The following KDM2A variants were observed in gnomAD, a reference collection of about 807,000 sequenced individuals.
KDM2A encodes the protein lysine demethylase 2A, also known as lysine-specific demethylase 2A.
A neutral mutation model predicts 137.3 loss-of-function variants in KDM2A; 3 were observed. That is an observed-to-expected ratio of 0.02 (90% confidence interval 0.01 to 0.06). The LOEUF (loss-of-function observed/expected upper bound fraction) is 0.06, where lower values mean the gene tolerates loss of function less well. Among genes scored for constraint, KDM2A ranks in the 10% least tolerant of loss-of-function variants. The probability of loss-of-function intolerance (pLI) is 1.00; values close to 1 mark genes in which losing one functional copy is unlikely to be tolerated. For missense variants in KDM2A, 738 were observed against 1,510.6 expected (o/e 0.49, Z 8.48); for synonymous variants, 512 against 541.5 (o/e 0.95, Z 0.76).
intron 2 of KDM2A, among the ~76,000 whole-genome samples, chr11:67,134,536 A>T (rs941442115): frequency 1.3e-5 from 2 of 151,922 alleles, no homozygotes; most frequent in African/African-American, 2.4e-5. Context: ...TGAGACAGTC[A>T]ATCTGTTGCC....
rs1460564180 is a variant in KDM2A, at chr11:67,255,502, C to T, written c.*447C>T. ...CCAGGTTCTTGTGGTGTCCAGTGCG[C>T]GTCTCTCCTCCATCACACTCTCCCG... On this transcript the variant is annotated 3_prime_UTR_variant, in exon 21 of 21. Transcript: ENST00000529006. 2.0e-5 allele frequency: 9 copies of T among 457,398 alleles called. No homozygotes were observed. Among genetic ancestry groups the T allele is most frequent in the Admixed American group, 9.4e-5 (4 of 42,580 alleles). 28.3% of individuals were successfully genotyped at this position (457,398 alleles called of 1,614,324 possible). A position where few individuals can be genotyped will look rare whatever the true frequency, so the allele number is the denominator to read the frequency against.
chr11:67,202,410 A>G (rs1041548902), intron 5 of KDM2A, among the ~76,000 whole-genome samples: 1 of 152,206 alleles, frequency 6.6e-6, no homozygotes, highest in Non-Finnish European at 1.5e-5. Flanking sequence ...ACAGCATTGC[A>G]TGCTACAGAG....
chr11:67,132,553 C>G (rs1242709091), intron 2 of KDM2A, among the ~76,000 whole-genome samples: 1 of 152,148 alleles, frequency 6.6e-6, no homozygotes, highest in Non-Finnish European at 1.5e-5. Flanking sequence ...TCCCAAAGTA[C>G]TGGGATTATA....
At chr11:67,179,361 C>T (rs1194031060) in intron 2 of KDM2A, among the ~76,000 whole-genome samples, 2 of 152,190 alleles carry the variant, frequency 1.3e-5, no homozygotes, top group Non-Finnish European at 2.9e-5. Flanking sequence ...GCAACCTCCA[C>T]CTCCCAGGTT....
chr11:67,244,402 C>T (rs1003406714), intron 13 of KDM2A, among the ~76,000 whole-genome samples: 1 of 152,070 alleles, frequency 6.6e-6, no homozygotes, highest in African/African-American at 2.4e-5. Context: ...ACTAGTTTCA[C>T]CTTAAGGGAG....
intron 10 of KDM2A, among the ~76,000 whole-genome samples, chr11:67,226,129 C>T (rs1381816322): frequency 6.6e-6 from 1 of 151,678 alleles, no homozygotes; most frequent in East Asian, 1.9e-4. Context: ...TAGGGGCACA[C>T]ACCTATAATC....
At position 67,253,579 on chromosome 11, in the gene KDM2A, G is replaced by A. The variant is rs373669747; in HGVS notation, c.3059G>A (p.Arg1020Gln). The change falls in exon 19 of 21, where the codon CGG becomes CAG. Residue 1020 changes from arginine to glutamine, a missense_variant. Coordinates refer to ENST00000529006, the MANE Select transcript of KDM2A (RefSeq NM_012308.3). ...GTAGGAATCAAGGACCCTCAAATTC[G>A]GGACTTGCTTACTCCACCGGCTGAT... The part of the protein sequence containing the change: ...WAVGIKDPQI[R>Q]DLLTPPADKP... 4 of 1,613,712 alleles carry A rather than the reference G, an allele frequency of 2.5e-6. No homozygotes were observed. In the African/African-American group the frequency reaches 4.0e-5, roughly 16 times the overall value.
At chr11:67,171,731 A>G (rs574068317) in intron 2 of KDM2A, among the ~76,000 whole-genome samples, 2 of 152,350 alleles carry the variant, frequency 1.3e-5, no homozygotes. Context: ...GATACAAACT[A>G]GGTCTCAAAC....
chr11:67,145,689 C>G (rs570912299), intron 2 of KDM2A, among the ~76,000 whole-genome samples: 2 of 152,082 alleles, frequency 1.3e-5, no homozygotes, highest in Non-Finnish European at 2.9e-5. Context: ...ACCATATTCT[C>G]CCTTTCTCTT....
At chr11:67,147,410 C>T (rs1265829587) in intron 2 of KDM2A, among the ~76,000 whole-genome samples, 1 of 151,614 alleles carries the variant, frequency 6.6e-6, no homozygotes, top group East Asian at 2.0e-4. Flanking sequence ...GGTGTGGTGG[C>T]GGGTGCCTGT....
intron 6 of KDM2A, among the ~76,000 whole-genome samples, chr11:67,213,512 C>T (rs1320456540): frequency 6.6e-6 from 1 of 152,034 alleles, no homozygotes; most frequent in Non-Finnish European, 1.5e-5. Context: ...AATCCCAGCA[C>T]TTTGTGGGGC....
chr11:67,208,506 C>T (rs1293119195), intron 6 of KDM2A, among the ~76,000 whole-genome samples: 3 of 151,952 alleles, frequency 2.0e-5, no homozygotes, highest in Admixed American at 6.6e-5. Flanking sequence ...CGCAGTGGCT[C>T]ATGCTTGGAA....
intron 15 of KDM2A, among the ~76,000 whole-genome samples, chr11:67,247,065 A>C (rs1327513450): frequency 3.6e-5 from 1 of 27,580 alleles, no homozygotes; most frequent in Non-Finnish European, 6.5e-5. Context: ...ATATATATAT[A>C]TATATATTTT....
In KDM2A at chr11:67,146,084, C is replaced by T. The variant is rs138442603; in HGVS notation, c.42+24726C>T. Among the ~76,000 whole-genome samples, 274 of 151,484 alleles carry T rather than the reference C, an allele frequency of 1.8e-3. 2 individuals are homozygous for T. Among genetic ancestry groups the T allele is most frequent in the Non-Finnish European group, 2.0e-3 (134 of 67,828 alleles). The stretch of plus-strand genomic sequence containing the variant: ...TCAGCTCACTGCAACCTCCACCTCC[C>T]GGGTTCAAGCGATTCTCCTGTCTCA... On this transcript the variant is annotated intron_variant, in intron 2 of 20. Transcript: ENST00000529006.
chr11:67,163,241 A>T (rs1260347739), intron 2 of KDM2A, among the ~76,000 whole-genome samples: 3 of 152,090 alleles, frequency 2.0e-5, no homozygotes, highest in Admixed American at 1.3e-4. Flanking sequence ...CAACTCTACC[A>T]CTTAGGGCAG....
intron 5 of KDM2A, among the ~76,000 whole-genome samples, chr11:67,200,741 A>C (rs1857599836): frequency 6.6e-6 from 1 of 150,996 alleles, no homozygotes; most frequent in East Asian, 2.0e-4. Context: ...TCCTGGGCTC[A>C]AGGGATTTGC....
At position 67,257,684 on chromosome 11, in the gene KDM2A, G is replaced by A. The variant is rs1284205916; in HGVS notation, c.*2629G>A. ...TCACTTATGTTTAAAGGGTTTGGTT[G>A]TGTTTTTTGTTTTTCGGAGAAATAT... On this transcript the variant is annotated 3_prime_UTR_variant, in exon 21 of 21. Transcript: ENST00000529006. 2 of 152,240 alleles carry A rather than the reference G, an allele frequency of 1.3e-5. No homozygotes were observed. The highest frequency in any genetic ancestry group is 2.4e-5 in the African/African-American group (1 of 41,438). The allele number at this position is 152,240 out of a possible 1,614,324, so 9.4% of individuals were successfully genotyped here.
chr11:67,173,950 A>T (rs930797712), intron 2 of KDM2A, among the ~76,000 whole-genome samples: 1 of 152,074 alleles, frequency 6.6e-6, no homozygotes. Context: ...GGCTTCAGAA[A>T]GTGATCCTCC....
intron 2 of KDM2A, among the ~76,000 whole-genome samples, chr11:67,179,867 C>T (rs1404024691): frequency 6.6e-6 from 1 of 152,144 alleles, no homozygotes; most frequent in East Asian, 1.9e-4. Context: ...GGGTAAAATT[C>T]ATAGAGGACC....
Sources: gnomAD v4.1 joint callset for allele counts (sites outside exome capture counted in the v4.1 genomes callset) on GRCh38, gnomAD v4.1.1 for gene constraint, MANE v1.5 for transcripts, NCBI Gene and HGNC (gene_info 2026-07-23, HGNC 2026-07-21) for gene names.